MDGA2: variants seen among roughly 807,000 people sequenced by gnomAD.
The protein encoded by MDGA2 is MAM domain containing glycosylphosphatidylinositol anchor 2, also known as MAM domain-containing glycosylphosphatidylinositol anchor protein 2.
A neutral mutation model predicts 117.8 loss-of-function variants in MDGA2; 40 were observed. That is an observed-to-expected ratio of 0.34 (90% CI 0.26 to 0.44). MDGA2 has a LOEUF of 0.44. MDGA2 is among the 20% of genes least tolerant of loss of function. MDGA2 has a pLI of 1.00. For synonymous variants in MDGA2, 452 were observed against 439.0 expected, an observed-to-expected ratio of 1.03 and a Z score of -0.37; for missense variants, 1,123 against 1,250.6, an observed-to-expected ratio of 0.90 and a Z score of 1.54.
chr14:47,014,454 G>C (rs907946768), intron 8 of MDGA2, among the ~76,000 whole-genome samples: 1 of 152,156 alleles, frequency 6.6e-6, no homozygotes, highest in African/African-American at 2.4e-5. Context: ...TCAATAGAAG[G>C]CTGTTTTGTC....
chr14:47,300,063 T>A (rs1889224508), intron 2 of MDGA2, among the ~76,000 whole-genome samples: 1 of 152,200 alleles, frequency 6.6e-6, no homozygotes, highest in Non-Finnish European at 1.5e-5. Flanking sequence ...TATATGCCTA[T>A]TTTTATCATT....
At chr14:47,003,430 C>A (rs1487797606) in intron 8 of MDGA2, among the ~76,000 whole-genome samples, 1 of 151,972 alleles carries the variant, frequency 6.6e-6, no homozygotes, top group East Asian at 1.9e-4. Context: ...TCTTCAACAG[C>A]AGAGCATGTT....
At chr14:47,570,231 C>T (rs1425197264) in intron 1 of MDGA2, among the ~76,000 whole-genome samples, 1 of 152,052 alleles carries the variant, frequency 6.6e-6, no homozygotes, top group Non-Finnish European at 1.5e-5. Flanking sequence ...AAATAATAGA[C>T]ATAGGACCCA....
chr14:47,266,153 G>A (rs1175647180), intron 2 of MDGA2, among the ~76,000 whole-genome samples: 5 of 152,018 alleles, frequency 3.3e-5, no homozygotes, highest in South Asian at 2.1e-4. Context: ...CCAAATTATC[G>A]CAGGGATAAA....
chr14:46,866,257 T>C (rs1276233970), intron 14 of MDGA2, among the ~76,000 whole-genome samples: 15 of 152,084 alleles, frequency 9.9e-5, no homozygotes, highest in Admixed American at 6.6e-5. Flanking sequence ...AACTATCTGA[T>C]CTTTGACAAA....
chr14:47,255,828 T>C (rs1887598383), intron 2 of MDGA2, among the ~76,000 whole-genome samples: 1 of 152,076 alleles, frequency 6.6e-6, no homozygotes, highest in Non-Finnish European at 1.5e-5. Context: ...TGTAGGCATG[T>C]TAGTCCTGCT....
Position 47,247,172 on chromosome 14 carries a change from G to A in MDGA2, c.421-28977C>T, listed in dbSNP as rs562288673. On this transcript the variant is annotated intron_variant, in intron 2 of 16. Coordinates refer to ENST00000399232, the MANE Select transcript of MDGA2 (RefSeq NM_001113498.3). ...TAAACCTTGCAGGACAAGAGGTGCTGCGTCTGCTGAACCTGCATCTTTGGG... is the reference window on the plus strand; with the variant it reads ...TAAACCTTGCAGGACAAGAGGTGCTACGTCTGCTGAACCTGCATCTTTGGG... Among the ~76,000 whole-genome samples the A allele has an allele frequency of 7.9e-5, 12 of 151,894 alleles. No homozygotes were observed. In the South Asian group the frequency reaches 2.3e-3, roughly 29 times the overall value.
intron 8 of MDGA2, among the ~76,000 whole-genome samples, chr14:47,023,204 A>AAAAAAAAAAG (rs1888353743): frequency 6.6e-6 from 1 of 150,778 alleles, no homozygotes; most frequent in Non-Finnish European, 1.5e-5. Context: ...CTCGTAAAAA[A>AAAAAAAAAAG]AAAAAAAAAA....
chr14:47,310,642 C>T (rs983008531), intron 1 of MDGA2, among the ~76,000 whole-genome samples: 1 of 151,886 alleles, frequency 6.6e-6, no homozygotes, highest in African/African-American at 2.4e-5. Context: ...TCCTATGCTA[C>T]ATCCTGAATT....
intron 10 of MDGA2, among the ~76,000 whole-genome samples, chr14:46,909,215 T>A (rs1024996681): frequency 2.6e-5 from 4 of 152,194 alleles, no homozygotes; most frequent in African/African-American, 9.7e-5. Context: ...CCTTTAGTAT[T>A]CTACAAATAA....
intron 1 of MDGA2, among the ~76,000 whole-genome samples, chr14:47,387,611 A>G (rs1026973908): frequency 2.0e-5 from 3 of 152,222 alleles, no homozygotes; most frequent in Non-Finnish European, 4.4e-5. Context: ...TGCTTAGTAA[A>G]TCAACCAAGA....
At chr14:47,599,451 TATTTA>T (rs1372040026) in intron 1 of MDGA2, among the ~76,000 whole-genome samples, 26 of 152,154 alleles carry the variant, frequency 1.7e-4, no homozygotes, top group Admixed American at 1.3e-4. Flanking sequence ...TTCAATATTT[TATTTA>T]TTCTAAGAAG....
At chr14:47,534,318 A>T (rs1033800715) in intron 1 of MDGA2, among the ~76,000 whole-genome samples, 1 of 152,238 alleles carries the variant, frequency 6.6e-6, no homozygotes. Context: ...GGCTGGCTTT[A>T]GATTCAATAG....
chr14:47,249,503 T>G (rs1887374032), intron 2 of MDGA2, among the ~76,000 whole-genome samples: 1 of 152,116 alleles, frequency 6.6e-6, no homozygotes, highest in South Asian at 2.1e-4. Flanking sequence ...TATATGTATA[T>G]TTTAAAGAGA....
At chr14:46,938,712 C>CA (rs1346314613) in intron 9 of MDGA2, among the ~76,000 whole-genome samples, 1 of 151,666 alleles carries the variant, frequency 6.6e-6, no homozygotes, top group Non-Finnish European at 1.5e-5. Context: ...GGAGGTTCCT[C>CA]AAAAAACTAC....
At chr14:47,084,849 G>T (rs1224529917) in intron 6 of MDGA2, among the ~76,000 whole-genome samples, 1 of 152,160 alleles carries the variant, frequency 6.6e-6, no homozygotes, top group Non-Finnish European at 1.5e-5. Context: ...ACTGATCTTG[G>T]ACTTCCAGGA....
intron 1 of MDGA2, among the ~76,000 whole-genome samples, chr14:47,419,887 A>G (rs1436156549): frequency 1.3e-5 from 2 of 152,104 alleles, no homozygotes. Context: ...CAAAGGTTGA[A>G]ATTTCTTCAA....
At chr14:47,041,809 T>A (rs1442476431) in intron 7 of MDGA2, among the ~76,000 whole-genome samples, 1 of 152,094 alleles carries the variant, frequency 6.6e-6, no homozygotes, top group Admixed American at 6.6e-5. Flanking sequence ...CTTAAAAGAA[T>A]GCAGAAGTTT....
intron 8 of MDGA2, among the ~76,000 whole-genome samples, chr14:46,978,865 T>G (rs1463019448): frequency 3.9e-5 from 6 of 152,154 alleles, no homozygotes; most frequent in Admixed American, 3.9e-4. Flanking sequence ...AAAAAGGTCA[T>G]TTCATAGACT....
Sources: allele counts gnomAD v4.1 joint callset (sites outside exome capture counted in the v4.1 genomes callset), GRCh38; gene constraint gnomAD v4.1.1; transcripts MANE v1.5; gene names NCBI Gene and HGNC (gene_info 2026-07-23, HGNC 2026-07-21).